GOLGA8B: variants seen among roughly 807,000 people sequenced by gnomAD.
GOLGA8B encodes the protein golgin A8 family member B, also known as golgin subfamily A member 8B.
In GOLGA8B, 1 loss-of-function variant was observed where a neutral mutation model predicts 15.6. That is an observed-to-expected ratio of 0.06 (90% CI 0.02 to 0.30). The LOEUF (loss-of-function observed/expected upper bound fraction) is 0.30, where lower values mean the gene tolerates loss of function less well. GOLGA8B is among the 10% of genes least tolerant of loss of function. GOLGA8B has a pLI of 1.00. For missense variants in GOLGA8B, 17 were observed against 201.3 expected, an observed-to-expected ratio of 0.08 and a Z score of 5.54; for synonymous variants, 9 against 80.3, an observed-to-expected ratio of 0.11 and a Z score of 4.75.
intron 4 of GOLGA8B, among the ~76,000 whole-genome samples, chr15:34,548,105 G>GTA (rs1595700676): frequency 6.6e-6 from 1 of 151,528 alleles, no homozygotes; most frequent in Non-Finnish European, 1.5e-5. Context: ...GAACCATAGT[G>GTA]TATGAGTATC....
At position 34,525,516 on chromosome 15, in the gene GOLGA8B, A is replaced by G. The variant is rs1021312047; in HGVS notation, c.*2116T>C. On this transcript the variant is annotated 3_prime_UTR_variant, in exon 24 of 24. Transcript: ENST00000683415. ...CTTTCTTTTAAACTACAGTATTCATATTTTAAAATGTTTTAACTTATTTCA... is the reference window on the plus strand; with the variant it reads ...CTTTCTTTTAAACTACAGTATTCATGTTTTAAAATGTTTTAACTTATTTCA... 2 of 149,954 alleles carry G rather than the reference A, an allele frequency of 1.3e-5. No homozygotes were observed. The highest frequency in any genetic ancestry group is 4.9e-5 in the African/African-American group (2 of 40,572). 9.3% of individuals were successfully genotyped at this position (149,954 alleles called of 1,614,324 possible).
chr15:34,577,507 T>TACAC lies in GOLGA8B; in HGVS notation c.-1123+6005_-1123+6008dup, dbSNP rs71119972. Among the ~76,000 whole-genome samples, 297 of 125,288 alleles carry TACAC rather than the reference T, an allele frequency of 2.4e-3. 1 individual carries two copies. The highest frequency in any genetic ancestry group is 0.012 in the East Asian group (49 of 4,148). The allele number at this position is 125,288 out of a possible 152,430, so 82.2% of individuals were successfully genotyped here. A position where few individuals can be genotyped will look rare whatever the true frequency, so the allele number is the denominator to read the frequency against. Reference sequence around the variant, plus strand: ...ACCAAATGAAAAAAATTATATATCATACACACACACACACACACACACACA... The same window carrying TACAC: ...ACCAAATGAAAAAAATTATATATCATACACACACACACACACACACACACACACA... On this transcript the variant is annotated intron_variant, in intron 1 of 23. Coordinates refer to ENST00000683415, the MANE Select transcript of GOLGA8B (RefSeq NM_001023567.5).
Position 34,525,356 on chromosome 15 carries a change from G to A in GOLGA8B, c.*2276C>T, listed in dbSNP as rs757121967. 1 of 149,968 alleles carries A rather than the reference G, an allele frequency of 6.7e-6. No homozygotes were observed. The highest frequency in any genetic ancestry group is 3.4e-3 in the Middle Eastern group (1 of 294). 9.3% of individuals were successfully genotyped at this position (149,968 alleles called of 1,614,324 possible). On this transcript the variant is annotated 3_prime_UTR_variant, in exon 24 of 24. Coordinates refer to ENST00000683415, the MANE Select transcript of GOLGA8B (RefSeq NM_001023567.5). The stretch of plus-strand genomic sequence containing the variant: ...GTCAATAATGCCACTTTAGGCAAAA[G>A]TCTTTCAGTATTTCTGTTACACATT...
At chr15:34,577,958 C>G (rs1431420927) in intron 1 of GOLGA8B, among the ~76,000 whole-genome samples, 1 of 152,140 alleles carries the variant, frequency 6.6e-6, no homozygotes, top group South Asian at 2.1e-4. Flanking sequence ...GACAATGTCA[C>G]TAGGCAATAG....
intron 1 of GOLGA8B, among the ~76,000 whole-genome samples, chr15:34,570,108 C>T (rs899483460): frequency 8.5e-5 from 13 of 152,190 alleles, no homozygotes; most frequent in African/African-American, 3.1e-4. Flanking sequence ...GCCTGTGCAA[C>T]CAGGGGGCCA....
intron 1 of GOLGA8B, among the ~76,000 whole-genome samples, chr15:34,564,130 T>C (rs1241970579): frequency 1.4e-5 from 2 of 144,034 alleles, no homozygotes; most frequent in African/African-American, 2.5e-5. Context: ...GAGGTGCTAT[T>C]GGCATCTCTT....
chr15:34,571,627 A>C (rs1011624026), intron 1 of GOLGA8B, among the ~76,000 whole-genome samples: 2 of 149,946 alleles, frequency 1.3e-5, no homozygotes, highest in Non-Finnish European at 3.0e-5. Flanking sequence ...AAAAAAAAAA[A>C]AACTACATCC....
At chr15:34,547,050 T>C (rs1048563600) in intron 4 of GOLGA8B, 68 bp from the exon 5 acceptor site, 1 of 93,744 alleles carries the variant, frequency 1.1e-5, no homozygotes, top group Non-Finnish European at 1.9e-5. Flanking sequence ...TCATAAGATA[T>C]ATCCACAAGC....
At chr15:34,569,988 G>A (rs1402477976) in intron 1 of GOLGA8B, among the ~76,000 whole-genome samples, 2 of 152,202 alleles carry the variant, frequency 1.3e-5, no homozygotes, top group African/African-American at 2.4e-5. Context: ...CCCTCAACCA[G>A]TTTGGTCCAC....
chr15:34,573,840 G>C (rs1236657926), intron 1 of GOLGA8B, among the ~76,000 whole-genome samples: 2 of 151,704 alleles, frequency 1.3e-5, no homozygotes, highest in African/African-American at 4.9e-5. Context: ...TGGGACACTA[G>C]GCCAAGCTTC....
rs1888050427 is a variant in GOLGA8B, at chr15:34,526,178, C to G, written c.*1454G>C. 6.7e-6 allele frequency: 1 copy of G among 149,978 alleles called. No homozygotes were observed. Among genetic ancestry groups the G allele is most frequent in the Non-Finnish European group, 1.5e-5 (1 of 67,292 alleles). 9.3% of individuals were successfully genotyped at this position (149,978 alleles called of 1,614,324 possible). On this transcript the variant is annotated 3_prime_UTR_variant, in exon 24 of 24. Coordinates refer to ENST00000683415, the MANE Select transcript of GOLGA8B (RefSeq NM_001023567.5). The stretch of plus-strand genomic sequence containing the variant: ...AAGAAGTTTGTGAGGAAATACAACT[C>G]TGCGATCGTATAGACATGTTTCCTG...
At position 34,578,495 on chromosome 15, in the gene GOLGA8B, T is replaced by C. The variant is rs1294499788; in HGVS notation, c.-1123+5021A>G. ...CCCAGCAGGAGACAGAGAGAAAACA[T>C]GGGCCTCACACTCTCTCCAGCTCAG... is the stretch of plus-strand genomic sequence containing the variant. On this transcript the variant is annotated intron_variant, in intron 1 of 23. Coordinates refer to ENST00000683415, the MANE Select transcript of GOLGA8B (RefSeq NM_001023567.5). Among the ~76,000 whole-genome samples, 3 of 152,152 alleles carry C rather than the reference T, an allele frequency of 2.0e-5. No homozygotes were observed. The East Asian group carries it at 5.8e-4, about 29-fold the overall frequency.
chr15:34,527,173 T>A lies in GOLGA8B; in HGVS notation c.*459A>T. 6.6e-6 allele frequency: 2 copies of A among 303,598 alleles called. No individual in the cohort carries two copies. The highest frequency in any genetic ancestry group is 1.3e-5 in the Non-Finnish European group (2 of 158,684). 18.8% of individuals were successfully genotyped at this position (303,598 alleles called of 1,614,324 possible). On this transcript the variant is annotated 3_prime_UTR_variant, in exon 24 of 24. Coordinates refer to ENST00000683415, the MANE Select transcript of GOLGA8B (RefSeq NM_001023567.5). ...TGAGGGCAAACCGCATATTGAGCTA[T>A]GGAAGAGCTCACTGTGATTAAGATG...
chr15:34,564,824 G>A (rs1257639008), intron 1 of GOLGA8B, among the ~76,000 whole-genome samples: 1 of 144,172 alleles, frequency 6.9e-6, no homozygotes, highest in African/African-American at 2.5e-5. Context: ...CCAGATGTGG[G>A]AGGACTTCCT....
intron 1 of GOLGA8B, among the ~76,000 whole-genome samples, chr15:34,574,514 A>T: frequency 6.6e-6 from 1 of 151,930 alleles, no homozygotes; most frequent in Admixed American, 6.6e-5. Flanking sequence ...TGTGTTGCCC[A>T]GGCTGATCTC....
At chr15:34,566,419 G>A (rs1453913121) in intron 1 of GOLGA8B, 1 of 144,220 alleles carries the variant, frequency 6.9e-6, no homozygotes, top group East Asian at 1.9e-4. Flanking sequence ...AGCGGTGTCA[G>A]GCATCTCACC....
At chr15:34,571,927 G>A (rs1053192572) in intron 1 of GOLGA8B, among the ~76,000 whole-genome samples, 3 of 151,794 alleles carry the variant, frequency 2.0e-5, no homozygotes, top group African/African-American at 4.8e-5. Flanking sequence ...TAGAAAATGA[G>A]GAATAACCCT....
chr15:34,564,732 C>G (rs11855623), intron 1 of GOLGA8B, among the ~76,000 whole-genome samples: 35,133 of 126,120 alleles, frequency 0.28, 6,666 homozygotes, highest in Admixed American at 0.42. Flanking sequence ...GAAGTTCCAA[C>G]GAAAAGGGTG....
At chr15:34,558,244 TC>T (rs1485434705) in intron 1 of GOLGA8B, among the ~76,000 whole-genome samples, 1 of 35,114 alleles carries the variant, frequency 2.8e-5, no homozygotes, top group Non-Finnish European at 5.1e-5. Flanking sequence ...TTCTGTCTGG[TC>T]CTGGGTTTTT....
Sources: allele counts gnomAD v4.1 joint callset (sites outside exome capture counted in the v4.1 genomes callset), GRCh38; gene constraint gnomAD v4.1.1; transcripts MANE v1.5; gene names NCBI Gene and HGNC (gene_info 2026-07-23, HGNC 2026-07-21).